Variants in KLF13 observed in about 807,000 individuals in gnomAD.
KLF13 encodes KLF transcription factor 13, also known as Krueppel-like factor 13.
A neutral mutation model predicts 16.7 loss-of-function variants in KLF13; 8 were observed. The ratio of observed to expected loss-of-function variants is 0.48; its 90% CI spans 0.28 to 0.87. KLF13 has a LOEUF of 0.87. Among genes scored for constraint, KLF13 ranks in the 40% least tolerant of loss-of-function variants. The pLI, the probability that KLF13 is intolerant of heterozygous loss-of-function variation, is 0.10. For synonymous variants in KLF13, 245 were observed against 208.4 expected, an observed-to-expected ratio of 1.18 and a Z score of -1.51; for missense variants, 447 against 452.2, an observed-to-expected ratio of 0.99 and a Z score of 0.10.
chr15:31,333,274 G>C (rs2038865510), intron 1 of KLF13, among the ~76,000 whole-genome samples: 2 of 152,228 alleles, frequency 1.3e-5, no homozygotes, highest in South Asian at 4.1e-4. Context: ...CAGTAAGTGA[G>C]GGTGGAACAG....
chr15:31,387,670 GT>G lies in KLF13; in HGVS notation n.224-47699del, dbSNP rs139584690. 4.0e-3 allele frequency among the ~76,000 whole-genome samples: 606 copies of G among 152,352 alleles called. 4 individuals carry two copies. The highest frequency in any genetic ancestry group is 0.014 in the African/African-American group (568 of 41,574). On this transcript the variant is annotated intron_variant and non_coding_transcript_variant, in intron 1 of 1. Coordinates refer to the KLF13 transcript ENST00000558921. ...TGTTTTTCCTTTCTTTGTATTCACT[GT>G]AGGTGTGAAATGTTTGACAATTTGA...
chr15:31,338,520 A>G (rs1320417208), intron 1 of KLF13, among the ~76,000 whole-genome samples: 3 of 152,218 alleles, frequency 2.0e-5, no homozygotes, highest in Non-Finnish European at 2.9e-5. Flanking sequence ...GTGGGGCTGC[A>G]TCACTTAAAG....
intron 1 of KLF13, among the ~76,000 whole-genome samples, chr15:31,413,907 T>A (rs2040225441): frequency 6.6e-6 from 1 of 152,238 alleles, no homozygotes; most frequent in South Asian, 2.1e-4. Context: ...GAATAATATG[T>A]ATATCATGCA....
In KLF13 at chr15:31,383,716, C is replaced by T. The variant is rs372841197; in HGVS notation, n.224-51654C>T. On this transcript the variant is annotated intron_variant and non_coding_transcript_variant, in intron 1 of 1. Transcript: ENST00000558921. The stretch of plus-strand genomic sequence containing the variant: ...GAGATCGAGACCATCCTGGCTAACA[C>T]GGTGAAACCCCGTTTCTACTAAAAA... Among the ~76,000 whole-genome samples, 92 of 152,032 alleles carry T rather than the reference C, an allele frequency of 6.1e-4. No homozygotes were observed. The East Asian group carries it at 9.7e-3, about 16-fold the overall frequency.
At chr15:31,362,135 C>T (rs1444997518) in intron 1 of KLF13, among the ~76,000 whole-genome samples, 1 of 152,138 alleles carries the variant, frequency 6.6e-6, no homozygotes, top group Non-Finnish European at 1.5e-5. Context: ...GTGTGGTATT[C>T]AGGAGCCTGA....
chr15:31,397,246 CGGGCA>C (rs370894520), intron 2 of KLF13, among the ~76,000 whole-genome samples: 221 of 2,912 alleles, frequency 0.076, 1 homozygote, highest in African/African-American at 0.14. Context: ...TGGGGTGGGG[CGGGCA>C]GGGCAGGGCA....
At chr15:31,335,343 G>A (rs543402588) in intron 1 of KLF13, among the ~76,000 whole-genome samples, 4 of 152,006 alleles carry the variant, frequency 2.6e-5, no homozygotes, top group South Asian at 4.1e-4. Context: ...CAGAGTGACC[G>A]GCTCCTGTGT....
At chr15:31,387,488 ATAGTT>A (rs1244379044) in intron 1 of KLF13, among the ~76,000 whole-genome samples, 3 of 152,268 alleles carry the variant, frequency 2.0e-5, no homozygotes, top group East Asian at 1.9e-4. Context: ...AGGCTACAGT[ATAGTT>A]TAAACATAAC....
At chr15:31,362,926 A>C (rs1318111244) in intron 1 of KLF13, among the ~76,000 whole-genome samples, 3 of 152,166 alleles carry the variant, frequency 2.0e-5, no homozygotes, top group Non-Finnish European at 4.4e-5. Flanking sequence ...GCGTTCCATA[A>C]TTTATTTGAC....
intron 1 of KLF13, among the ~76,000 whole-genome samples, chr15:31,425,535 T>G (rs2040390345): frequency 6.6e-6 from 1 of 152,206 alleles, no homozygotes; most frequent in African/African-American, 2.4e-5. Flanking sequence ...CTTTCTGGAA[T>G]AGTACCAATG....
At chr15:31,336,166 C>A (rs1488200491) in intron 1 of KLF13, among the ~76,000 whole-genome samples, 4 of 152,244 alleles carry the variant, frequency 2.6e-5, no homozygotes, top group African/African-American at 9.6e-5. Flanking sequence ...TGGGTGGGGC[C>A]TCCTCATTCC....
At chr15:31,333,826 G>A (rs1339147954) in intron 1 of KLF13, among the ~76,000 whole-genome samples, 2 of 152,126 alleles carry the variant, frequency 1.3e-5, no homozygotes. Flanking sequence ...AAGGCCCAAA[G>A]CCAGTTGTCT....
At chr15:31,330,466 C>A (rs1487451666) in intron 1 of KLF13, among the ~76,000 whole-genome samples, 1 of 152,246 alleles carries the variant, frequency 6.6e-6, no homozygotes, top group Non-Finnish European at 1.5e-5. Flanking sequence ...GTTCCCAGAT[C>A]TCCCTGCAAC....
At chr15:31,429,076 G>T (rs771798094) in intron 1 of KLF13, among the ~76,000 whole-genome samples, 8 of 152,128 alleles carry the variant, frequency 5.3e-5, no homozygotes, top group African/African-American at 1.4e-4. Flanking sequence ...CACCCCTAAC[G>T]CATTAAGTCA....
At chr15:31,390,886 A>T (rs2039854991), upstream of KLF13, among the ~76,000 whole-genome samples, 1 of 149,234 alleles carries the variant, frequency 6.7e-6, no homozygotes, top group Non-Finnish European at 1.5e-5. Context: ...CTCAAATCTC[A>T]TTCATCCCCT....
At chr15:31,386,076 C>G (rs1002276569) in intron 1 of KLF13, among the ~76,000 whole-genome samples, 2 of 152,322 alleles carry the variant, frequency 1.3e-5, no homozygotes, top group African/African-American at 4.8e-5. Flanking sequence ...ACAACATTCC[C>G]TTTAGTCAAA....
At chr15:31,354,137 A>G (rs2039262964) in intron 1 of KLF13, among the ~76,000 whole-genome samples, 1 of 151,998 alleles carries the variant, frequency 6.6e-6, no homozygotes, top group South Asian at 2.1e-4. Flanking sequence ...CCTCCCAGTG[A>G]GTGTCAGGCT....
chr15:31,397,873 G>GC (rs2039975414), intron 2 of KLF13, among the ~76,000 whole-genome samples: 1 of 141,280 alleles, frequency 7.1e-6, no homozygotes, highest in African/African-American at 2.7e-5. Context: ...GGGGGTGGCG[G>GC]CGGGGGGGGT....
chr15:31,333,328 G>A (rs1410114872), intron 1 of KLF13, among the ~76,000 whole-genome samples: 2 of 152,208 alleles, frequency 1.3e-5, no homozygotes, highest in Non-Finnish European at 1.5e-5. Flanking sequence ...CCCCCGAGGT[G>A]GGTGTACCTG....
Sources: gnomAD v4.1 joint callset for allele counts (sites outside exome capture counted in the v4.1 genomes callset) on GRCh38, gnomAD v4.1.1 for gene constraint, MANE v1.5 for transcripts, NCBI Gene and HGNC (gene_info 2026-07-23, HGNC 2026-07-21) for gene names.